The following ANKRD30B variants were observed in gnomAD, a reference collection of about 807,000 sequenced individuals.
The protein encoded by ANKRD30B is ankyrin repeat domain-containing protein 30B.
In ANKRD30B, 144 loss-of-function variants were observed where a neutral mutation model predicts 202.2. The observed-to-expected ratio is 0.71, with a 90% confidence interval of 0.62 to 0.82. The LOEUF (loss-of-function observed/expected upper bound fraction) is 0.82. Ranked by LOEUF, ANKRD30B falls within the 40% of genes least tolerant of loss-of-function variation. The pLI is 0.00. For synonymous variants in ANKRD30B, 508 were observed against 561.3 expected, an observed-to-expected ratio of 0.91 and a Z score of 1.34; for missense variants, 1,487 against 1,669.1, an observed-to-expected ratio of 0.89 and a Z score of 1.90.
At chr18:14,755,381 TAC>T (rs1480620737) in intron 4 of ANKRD30B, among the ~76,000 whole-genome samples, 2 of 152,112 alleles carry the variant, frequency 1.3e-5, no homozygotes, top group African/African-American at 4.8e-5. Flanking sequence ...CTCTTTTTTA[TAC>T]ACTTTTTTAA....
chr18:14,910,411 A>AT, the ANKRD30B span, among the ~76,000 whole-genome samples: 3 of 151,268 alleles, frequency 2.0e-5, no homozygotes, highest in Non-Finnish European at 2.9e-5. Flanking sequence ...AAAAGACATG[A>AT]TTTTTCATTT....
chr18:14,758,100 T>G, intron 5 of ANKRD30B, 148 bp downstream of exon 5: 1 of 845,690 alleles, frequency 1.2e-6, no homozygotes, highest in Non-Finnish European at 1.8e-6. Context: ...GGATTCTTTA[T>G]TTTAGGACTT....
At chr18:14,784,844 T>C (rs78108629) in intron 14 of ANKRD30B, among the ~76,000 whole-genome samples, 1 of 166 alleles carries the variant, frequency 6.0e-3, no homozygotes, top group Non-Finnish European at 0.012. Flanking sequence ...AACTCTAACT[T>C]TTTTAGTTCT....
chr18:14,766,685 A>G (rs1916281970), intron 7 of ANKRD30B, among the ~76,000 whole-genome samples: 1 of 152,036 alleles, frequency 6.6e-6, no homozygotes, highest in East Asian at 1.9e-4. Context: ...GTAGGCTTAG[A>G]ATAATTTTAT....
intron 30 of ANKRD30B, among the ~76,000 whole-genome samples, chr18:14,815,445 TC>T (rs1435951087): frequency 6.6e-6 from 1 of 152,122 alleles, no homozygotes; most frequent in Non-Finnish European, 1.5e-5. Flanking sequence ...ATGCTGGTGG[TC>T]CTTGGACCTC....
At chr18:14,777,837 G>A (rs1376164989) in intron 9 of ANKRD30B, 148 bp from the exon 10 acceptor site, 2 of 590,952 alleles carry the variant, frequency 3.4e-6, no homozygotes, top group African/African-American at 3.9e-5. Context: ...CAGCTACTCA[G>A]GAGGCAGAAG....
intron 33 of ANKRD30B, among the ~76,000 whole-genome samples, chr18:14,828,538 G>A (rs34416241): frequency 1.3e-5 from 2 of 152,154 alleles, no homozygotes; most frequent in African/African-American, 2.4e-5. Context: ...GGCCTATGAT[G>A]TCATAGCTAA....
At chr18:14,828,227 T>C in intron 32 of ANKRD30B, 51 bp from the exon 33 acceptor site, 1 of 1,370,836 alleles carries the variant, frequency 7.3e-7, no homozygotes. Context: ...ATATTCTGTA[T>C]TTTTTATTTA....
At chr18:14,845,332 C>A (rs1409637210) in intron 39 of ANKRD30B, among the ~76,000 whole-genome samples, 1 of 152,296 alleles carries the variant, frequency 6.6e-6, no homozygotes. Flanking sequence ...TTCCCAACAT[C>A]ATTTATTAAA....
chr18:14,840,547 T>C, intron 36 of ANKRD30B, 41 bp from the exon 37 acceptor site: 1 of 1,087,170 alleles, frequency 9.2e-7, no homozygotes, highest in Non-Finnish European at 1.2e-6. Context: ...AATTAAAAAA[T>C]AGTAAAAAAA....
chr18:14,864,459 C>T, the ANKRD30B span, among the ~76,000 whole-genome samples: 678 of 152,092 alleles, frequency 4.5e-3, 16 homozygotes, highest in East Asian at 0.036. Flanking sequence ...TTTTCCTGAC[C>T]GTCTTTGGCT....
chr18:14,828,079 C>T (rs1321614622), intron 32 of ANKRD30B, among the ~76,000 whole-genome samples, 199 bp from the exon 33 acceptor site: 1 of 152,126 alleles, frequency 6.6e-6, no homozygotes, highest in African/African-American at 2.4e-5. Flanking sequence ...GTGCGTGATT[C>T]TTTTAAGTTA....
chr18:14,907,052 G>A, the ANKRD30B span, among the ~76,000 whole-genome samples: 14 of 152,134 alleles, frequency 9.2e-5, no homozygotes, highest in Admixed American at 9.2e-4. Flanking sequence ...GGAGGTCAAA[G>A]TTCTTATTAT....
chr18:14,765,564 T>C (rs117444954), intron 7 of ANKRD30B, among the ~76,000 whole-genome samples: 2,909 of 152,246 alleles, frequency 0.019, 47 homozygotes, highest in Non-Finnish European at 0.031. Context: ...CAGCCATAGA[T>C]AATGTGTGAG....
At chr18:14,844,006 G>T (rs1245889269) in intron 39 of ANKRD30B, among the ~76,000 whole-genome samples, 2 of 151,944 alleles carry the variant, frequency 1.3e-5, no homozygotes, top group Admixed American at 6.6e-5. Flanking sequence ...TAGATAATAT[G>T]TAGAATTTGT....
chr18:14,797,539 C>T (rs140141351), intron 18 of ANKRD30B, 122 bp from the exon 19 acceptor site: 36 of 1,149,780 alleles, frequency 3.1e-5, no homozygotes, highest in Admixed American at 5.6e-5. Context: ...GACCCCAAAA[C>T]CTAGTGTAAT....
At chr18:14,762,074 G>T (rs1361513290) in intron 6 of ANKRD30B, among the ~76,000 whole-genome samples, 9 of 152,124 alleles carry the variant, frequency 5.9e-5, no homozygotes, top group Non-Finnish European at 2.9e-5. Context: ...CTGTTATAAG[G>T]AGGAAAAAAT....
rs761054267 is a variant in ANKRD30B, at chr18:14,842,882, T to C, written c.3080-15T>C. ...ATTTACTTATGACTGATAATAAATCTCTTTTGCTTTTTAGAGTCTCCTGAA... is the reference window on the plus strand; with the variant it reads ...ATTTACTTATGACTGATAATAAATCCCTTTTGCTTTTTAGAGTCTCCTGAA... On this transcript the variant is annotated splice_polypyrimidine_tract_variant and intron_variant, in intron 37 of 43. Transcript: ENST00000690538. The C allele has an allele frequency of 1.9e-5, 30 of 1,548,158 alleles. No individual in the cohort carries two copies. The highest frequency in any genetic ancestry group is 1.7e-4 in the Middle Eastern group (1 of 5,996).
rs528360932 is a variant in ANKRD30B at position 14,846,280 on chromosome 18, G to T, written c.3182-2436G>T. ...TTTTGGAACCAACCCAGGGTTATTT[G>T]GATGTTATGTTACTTAATTTCCAAT... On this transcript the variant is annotated intron_variant, in intron 39 of 43. Coordinates refer to ENST00000690538, the MANE Select transcript of ANKRD30B (RefSeq NM_001367607.2). 1.7e-3 allele frequency among the ~76,000 whole-genome samples: 252 copies of T among 151,964 alleles called. 2 individuals carry two copies. Among genetic ancestry groups the T allele is most frequent in the Non-Finnish European group, 2.8e-3 (192 of 67,904 alleles).
Sources: gnomAD v4.1 joint callset for allele counts (sites outside exome capture counted in the v4.1 genomes callset) on GRCh38, gnomAD v4.1.1 for gene constraint, MANE v1.5 for transcripts, NCBI Gene and HGNC (gene_info 2026-07-23, HGNC 2026-07-21) for gene names.